LAMC3: variants seen among roughly 807,000 people sequenced by gnomAD.
LAMC3 encodes laminin subunit gamma 3, also known as laminin subunit gamma-3.
LAMC3 carries 128 observed loss-of-function variants against 173.8 expected under a neutral mutation model. That is an observed-to-expected ratio of 0.74 (90% CI 0.64 to 0.85). The LOEUF (loss-of-function observed/expected upper bound fraction) is 0.85. LAMC3 is among the 40% of genes least tolerant of loss of function. The pLI, the probability that LAMC3 is intolerant of heterozygous loss-of-function variation, is 0.00. For missense variants in LAMC3, 2,022 were observed against 2,156.0 expected (o/e 0.94, Z 1.23); for synonymous variants, 897 against 909.1 (o/e 0.99, Z 0.24).
At position 131,026,541 on chromosome 9, in the gene LAMC3, G is replaced by A. The variant is rs769914906; in HGVS notation, c.630G>A (p.Leu210=). Residue 210 remains leucine (L), a synonymous_variant, in exon 2 of 28, where the codon CTG becomes CTA. Coordinates refer to ENST00000361069, the MANE Select transcript of LAMC3 (RefSeq NM_006059.4). The surrounding 1 kb of genome is among the most constrained non-coding windows in gnomAD (Gnocchi z 4.8). ...GCGGCAACGTGGCCTTCTCCACCCT[G>A]GAGGGCCGGCCCAGCGCCTACAACT... ...LSGGNVAFST[L]EGRPSAYNFE... is the part of the protein sequence containing the mutation. The A allele has an allele frequency of 2.5e-6, 4 of 1,610,116 alleles. No homozygotes were observed. In the African/African-American group the frequency reaches 5.3e-5, roughly 21 times the overall value.
chr9:131,046,654 C>T (rs1456013351), intron 8 of LAMC3, among the ~76,000 whole-genome samples: 4 of 151,342 alleles, frequency 2.6e-5, no homozygotes, highest in Admixed American at 6.6e-5. Flanking sequence ...TGTCCGCGCC[C>T]AGCTGTTTTG....
intron 1 of LAMC3, among the ~76,000 whole-genome samples, chr9:131,020,128 C>T (rs532577419): frequency 2.8e-4 from 43 of 151,772 alleles, no homozygotes; most frequent in Non-Finnish European, 5.2e-4. Context: ...GGGAGTGGGG[C>T]GGGAGGGGCT....
chr9:131,094,471 TGACTTG>T (rs1830471106), exon 28 of LAMC3: 1 of 152,102 alleles, frequency 6.6e-6, no homozygotes, highest in Non-Finnish European at 1.5e-5. Context: ...GAGCTAGGAG[TGACTTG>T]GTCCCTAGAT....
chr9:131,059,490 CAAAAAAAAAAA>C (rs58064050), intron 12 of LAMC3, among the ~76,000 whole-genome samples: 28 of 64,404 alleles, frequency 4.3e-4, no homozygotes, highest in African/African-American at 1.3e-3. Flanking sequence ...GACTCCGTCT[CAAAAAAAAAAA>C]AAAAAAAAAA....
chr9:131,073,925 CT>C (rs148929966), intron 20 of LAMC3, among the ~76,000 whole-genome samples: 30,967 of 143,224 alleles, frequency 0.22, 5,074 homozygotes, highest in African/African-American at 0.46. Flanking sequence ...ACAGTGTTTT[CT>C]TTTTTTTCTT....
intron 2 of LAMC3, among the ~76,000 whole-genome samples, chr9:131,031,323 C>T (rs377279500): frequency 6.6e-6 from 1 of 152,248 alleles, no homozygotes; most frequent in East Asian, 1.9e-4. Context: ...TTCCCCTCCA[C>T]GCTCTTCCAT....
In LAMC3 at chr9:131,061,237, G is replaced by C; in HGVS notation, c.2347+14G>C. 1 of 1,595,674 alleles carries C rather than the reference G, an allele frequency of 6.3e-7. No homozygotes were observed. The highest frequency in any genetic ancestry group is 8.5e-7 in the Non-Finnish European group (1 of 1,174,526). ...CGGGCCAGAGAGGTAAGTGACTCCT[G>C]CCCCGGAGCCCTGCCCCGCAGAGGG... On this transcript the variant is annotated intron_variant, in intron 13 of 27. Coordinates refer to ENST00000361069, the MANE Select transcript of LAMC3 (RefSeq NM_006059.4).
At position 131,038,983 on chromosome 9, in the gene LAMC3, C is replaced by T. The variant is rs756209261; in HGVS notation, c.1096C>T (p.Arg366Cys). 2.9e-5 allele frequency: 46 copies of T among 1,613,440 alleles called. No homozygotes were observed. The highest frequency in any genetic ancestry group is 1.6e-4 in the Middle Eastern group (1 of 6,084). The change falls in exon 5 of 28, where the codon CGC becomes TGC. Residue 366 changes from arginine to cysteine, a missense_variant. Transcript: ENST00000361069. The part of the protein sequence containing the change: ...RDHTAGPHCE[R>C]CQENFYHWDP... ...CCACACAGCTGGGCCACACTGTGAG[C>T]GCTGTCAGGAGAATTTCTATCACTG... is the stretch of plus-strand genomic sequence containing the variant.
rs1223855712 is a variant in LAMC3 at position 131,093,968 on chromosome 9, C to G, written c.*2181C>G. 6.6e-6 allele frequency: 1 copy of G among 152,212 alleles called. No homozygotes were observed. The highest frequency in any genetic ancestry group is 1.5e-5 in the Non-Finnish European group (1 of 68,108). 9.4% of individuals were successfully genotyped at this position (152,212 alleles called of 1,614,324 possible). On this transcript the variant is annotated 3_prime_UTR_variant, in exon 28 of 28. Transcript: ENST00000361069. ...AGCTAGGACTACAGGTGCTTGCCAC[C>G]ATGCCCAGCTAATTTTGGTATTTTT...
intron 27 of LAMC3, 80 bp downstream of exon 27, chr9:131,087,897 G>C: frequency 9.0e-7 from 1 of 1,109,938 alleles, no homozygotes; most frequent in Non-Finnish European, 1.4e-6. Context: ...CTCCAGTCCT[G>C]GGGAAGATTT....
rs57431746 is a variant in LAMC3 at position 131,065,059 on chromosome 9, A to AAAAAG, written c.2348-1901_2348-1900insAAAAG. Among the ~76,000 whole-genome samples the AAAAAG allele has an allele frequency of 1.1e-4, 15 of 135,290 alleles. 1 individual carries two copies. Among genetic ancestry groups the AAAAAG allele is most frequent in the African/African-American group, 2.5e-4 (9 of 36,496 alleles). The allele number at this position is 135,290 out of a possible 152,430, so 88.8% of individuals were successfully genotyped here. ...CCATCTAAAAAAAAAAAAAAAAAAA[A>AAAAAG]GAAAAGGAAAGAAAAAATCATGTAA... On this transcript the variant is annotated intron_variant, in intron 13 of 27. Coordinates refer to ENST00000361069, the MANE Select transcript of LAMC3 (RefSeq NM_006059.4).
At chr9:131,053,622 C>T (rs1013050413) in intron 11 of LAMC3, among the ~76,000 whole-genome samples, 1 of 152,136 alleles carries the variant, frequency 6.6e-6, no homozygotes, top group Non-Finnish European at 1.5e-5. Flanking sequence ...ATCATGAAGT[C>T]GGGAGTTTGA....
chr9:131,052,776 G>A (rs1834317457), intron 10 of LAMC3, 74 bp from the exon 11 acceptor site: 7 of 1,354,414 alleles, frequency 5.2e-6, no homozygotes, highest in South Asian at 1.2e-5. Flanking sequence ...AGTCTGGGGG[G>A]CTACCCCCCA....
intron 6 of LAMC3, among the ~76,000 whole-genome samples, chr9:131,039,835 T>G (rs1834015012): frequency 6.6e-6 from 1 of 151,844 alleles, no homozygotes; most frequent in Non-Finnish European, 1.5e-5. Context: ...TGGGAGAGGC[T>G]GAGTGTCATC....
rs537247838 is a variant in LAMC3, at chr9:131,079,309, G to C, written c.3927+11G>C. On this transcript the variant is annotated intron_variant, in intron 23 of 27. Transcript: ENST00000361069. Reference sequence around the variant, plus strand: ...GAACCCCTCACAAAGGTCAGCTCTTGTGCTTTGAAGCAGGGGACCTGGGAG... The same window carrying C: ...GAACCCCTCACAAAGGTCAGCTCTTCTGCTTTGAAGCAGGGGACCTGGGAG... 1 of 1,613,998 alleles carries C rather than the reference G, an allele frequency of 6.2e-7. No homozygotes were observed. The highest frequency in any genetic ancestry group is 2.2e-5 in the East Asian group (1 of 44,878).
intron 8 of LAMC3, among the ~76,000 whole-genome samples, chr9:131,046,272 G>A (rs1834156243): frequency 7.4e-6 from 1 of 134,376 alleles, no homozygotes; most frequent in Non-Finnish European, 1.5e-5. Context: ...GCACAGCACA[G>A]CTCACTGCAG....
At chr9:131,090,898 A>G (rs112088812) in intron 27 of LAMC3, among the ~76,000 whole-genome samples, 8 of 152,240 alleles carry the variant, frequency 5.3e-5, no homozygotes, top group Non-Finnish European at 8.8e-5. Context: ...GCATGGTGGC[A>G]GGCACCTGTA....
At position 131,091,643 on chromosome 9, in the gene LAMC3, A is replaced by T; in HGVS notation, c.4584A>T (p.Lys1528Asn). Residue 1528 changes from lysine to asparagine, a missense_variant, in exon 28 of 28, where the codon AAA (lysine) becomes AAT (asparagine). Lys to Asn is a moderately conservative substitution (Grantham distance 94). Coordinates refer to ENST00000361069, the MANE Select transcript of LAMC3 (RefSeq NM_006059.4). ...QLGSPGSLQR[K>N]LSLLEQESQQ... is the part of the protein sequence containing the mutation. ...GCTCCCCGGGGTCCTTGCAGAGGAA[A>T]CTCAGTCTGCTGGAGCAGGAATCCC... 3 of 1,604,170 alleles carry T rather than the reference A, an allele frequency of 1.9e-6. No individual in the cohort carries two copies. The highest frequency in any genetic ancestry group is 2.6e-6 in the Non-Finnish European group (3 of 1,175,752).
intron 25 of LAMC3, 21 bp downstream of exon 25, chr9:131,085,744 A>C: frequency 6.2e-7 from 1 of 1,612,416 alleles, no homozygotes; most frequent in Non-Finnish European, 8.5e-7. Context: ...TGGCTGTGAC[A>C]ACAGTGGCCT....
Sources: gnomAD v4.1 joint callset for allele counts (sites outside exome capture counted in the v4.1 genomes callset) on GRCh38, gnomAD v4.1.1 for gene constraint, Gnocchi (gnomAD v3.1) non-coding constraint, MANE v1.5 for transcripts, NCBI Gene and HGNC (gene_info 2026-07-23, HGNC 2026-07-21) for gene names.